CD109: variants seen among roughly 807,000 people sequenced by gnomAD.
CD109 encodes the protein CD109 antigen.
A neutral mutation model predicts 165.8 loss-of-function variants in CD109; 149 were observed. The ratio of observed to expected loss-of-function variants is 0.90; its 90% CI spans 0.79 to 1.03. CD109 has a LOEUF of 1.03. Ranked by LOEUF, CD109 falls within the 50% of genes least tolerant of loss-of-function variation. CD109 has a pLI of 0.00. For missense variants in CD109, 1,712 were observed against 1,677.8 expected (o/e 1.02, Z -0.36); for synonymous variants, 585 against 592.1 (o/e 0.99, Z 0.18).
At chr6:73,682,115 A>G in the CD109 span, among the ~76,000 whole-genome samples, 2 of 152,070 alleles carry the variant, frequency 1.3e-5, no homozygotes, top group Admixed American at 6.6e-5. Context: ...AAAACCAGTC[A>G]TGCCTTCCCA....
At chr6:73,776,307 C>T (rs2118330) in intron 15 of CD109, among the ~76,000 whole-genome samples, 59,074 of 151,840 alleles carry the variant, frequency 0.39, 11,780 homozygotes, top group African/African-American at 0.47. Context: ...GGCTGGAGTG[C>T]GGTGGTGTGA....
chr6:73,739,449 A>C (rs960317716), intron 5 of CD109, among the ~76,000 whole-genome samples: 3 of 152,144 alleles, frequency 2.0e-5, no homozygotes, highest in Non-Finnish European at 4.4e-5. Flanking sequence ...ACATAGAGGA[A>C]ATGTATTTAT....
chr6:73,744,604 G>A (rs1772909711), intron 5 of CD109, among the ~76,000 whole-genome samples: 1 of 152,146 alleles, frequency 6.6e-6, no homozygotes, highest in African/African-American at 2.4e-5. Context: ...TAATTTTGGT[G>A]CCATATTATT....
intron 21 of CD109, among the ~76,000 whole-genome samples, chr6:73,787,860 C>T (rs1445537372): frequency 2.0e-5 from 3 of 152,088 alleles, no homozygotes; most frequent in African/African-American, 2.4e-5. Context: ...TGGATAAACA[C>T]TTGTATTCTG....
At chr6:73,822,792 A>G (rs1465839065) in intron 32 of CD109, among the ~76,000 whole-genome samples, 1 of 152,352 alleles carries the variant, frequency 6.6e-6, no homozygotes, top group African/African-American at 2.4e-5. Flanking sequence ...AAAAAATCTC[A>G]AAACACATTT....
chr6:73,755,903 GT>G (rs1773371325), intron 5 of CD109, among the ~76,000 whole-genome samples: 3 of 152,114 alleles, frequency 2.0e-5, no homozygotes, highest in Non-Finnish European at 4.4e-5. Context: ...TGAGGCTTCA[GT>G]GAGCTGTGTT....
chr6:73,771,313 C>T, intron 14 of CD109, 116 bp from the exon 15 acceptor site: 2 of 768,070 alleles, frequency 2.6e-6, no homozygotes, highest in Non-Finnish European at 4.1e-6. Flanking sequence ...TTAGAATTAT[C>T]CCTGAGCCAA....
chr6:73,811,882 T>C (rs1775769856), intron 28 of CD109, among the ~76,000 whole-genome samples: 1 of 152,104 alleles, frequency 6.6e-6, no homozygotes, highest in Non-Finnish European at 1.5e-5. Flanking sequence ...TAGGCCCTGA[T>C]TAAGGGAGGT....
At chr6:73,820,677 A>G in intron 32 of CD109, 114 bp downstream of exon 32, 1 of 557,642 alleles carries the variant, frequency 1.8e-6, no homozygotes, top group Non-Finnish European at 3.1e-6. Context: ...ATTTGGTAGG[A>G]GAAAGTACAG....
chr6:73,819,238 C>T (rs926763654), intron 31 of CD109, among the ~76,000 whole-genome samples: 2 of 152,182 alleles, frequency 1.3e-5, no homozygotes, highest in African/African-American at 2.4e-5. Context: ...GGTGCTAAAT[C>T]ATGGAAGACT....
At chr6:73,761,877 G>A (rs1188234078) in intron 7 of CD109, among the ~76,000 whole-genome samples, 2 of 151,966 alleles carry the variant, frequency 1.3e-5, no homozygotes, top group Non-Finnish European at 2.9e-5. Flanking sequence ...AATTATAGTA[G>A]GAGTATGTTT....
At chr6:73,776,864 A>G (rs943881423) in intron 15 of CD109, among the ~76,000 whole-genome samples, 10 of 148,784 alleles carry the variant, frequency 6.7e-5, no homozygotes, top group African/African-American at 2.5e-4. Flanking sequence ...TGGCCTCCTT[A>G]TGGTTCTGAT....
intron 23 of CD109, among the ~76,000 whole-genome samples, chr6:73,797,460 A>G (rs1334765096): frequency 6.6e-6 from 1 of 152,254 alleles, no homozygotes; most frequent in Non-Finnish European, 1.5e-5. Flanking sequence ...GGATGTTGCC[A>G]TTGGTCACAA....
intron 18 of CD109, among the ~76,000 whole-genome samples, chr6:73,783,342 C>G (rs899562572): frequency 1.5e-4 from 23 of 152,114 alleles, no homozygotes; most frequent in African/African-American, 5.3e-4. Context: ...ACAGCATTGA[C>G]AGGGATACAG....
At chr6:73,738,180 TA>T (rs561623327) in intron 5 of CD109, among the ~76,000 whole-genome samples, 3 of 152,232 alleles carry the variant, frequency 2.0e-5, no homozygotes, top group Non-Finnish European at 4.4e-5. Context: ...AAAGAGGGTT[TA>T]TTGTTAGCAC....
chr6:73,691,116 C>T (rs920915671), upstream of CD109, among the ~76,000 whole-genome samples: 1 of 152,216 alleles, frequency 6.6e-6, no homozygotes, highest in Non-Finnish European at 1.5e-5. Context: ...CCAGAACCCA[C>T]AGGCAATTAA....
chr6:73,787,643 T>A (rs1016979330), intron 21 of CD109, among the ~76,000 whole-genome samples, 191 bp downstream of exon 21: 4 of 152,290 alleles, frequency 2.6e-5, no homozygotes, highest in South Asian at 2.1e-4. Flanking sequence ...AATTTCCTCT[T>A]TAAATTTAGT....
At chr6:73,759,333 C>A (rs73754674) in intron 7 of CD109, among the ~76,000 whole-genome samples, 1 of 151,566 alleles carries the variant, frequency 6.6e-6, no homozygotes, top group Non-Finnish European at 1.5e-5. Context: ...GAAGCCACCA[C>A]GCCTGGCTAA....
intron 5 of CD109, among the ~76,000 whole-genome samples, chr6:73,737,098 A>T (rs190960500): frequency 1.3e-5 from 2 of 152,348 alleles, no homozygotes; most frequent in African/African-American, 4.8e-5. Context: ...TGGGATGGAA[A>T]CAATTTTAAA....
Sources: gnomAD v4.1 joint callset for allele counts (sites outside exome capture counted in the v4.1 genomes callset) on GRCh38, gnomAD v4.1.1 for gene constraint, MANE v1.5 for transcripts, NCBI Gene and HGNC (gene_info 2026-07-23, HGNC 2026-07-21) for gene names.